The following UPF2 variants were observed in gnomAD, a reference collection of about 807,000 sequenced individuals.
The protein encoded by UPF2 is regulator of nonsense transcripts 2.
A neutral mutation model predicts 141.4 loss-of-function variants in UPF2; 17 were observed. The ratio of observed to expected loss-of-function variants is 0.12; its 90% CI spans 0.08 to 0.18. The LOEUF is 0.18. Ranked by LOEUF, UPF2 falls within the 10% of genes least tolerant of loss-of-function variation. The pLI, the probability that UPF2 is intolerant of heterozygous loss-of-function variation, is 1.00. For synonymous variants in UPF2, 540 were observed against 498.0 expected, an observed-to-expected ratio of 1.08 and a Z score of -1.12; for missense variants, 1,152 against 1,515.9, an observed-to-expected ratio of 0.76 and a Z score of 3.99.
At chr10:12,006,045 A>G (rs1834030142) in intron 4 of UPF2, among the ~76,000 whole-genome samples, 1 of 145,724 alleles carries the variant, frequency 6.9e-6, no homozygotes. Flanking sequence ...AAGCCCAGCT[A>G]ATTTTTCCAT....
chr10:11,959,210 T>C lies in UPF2; in HGVS notation c.2331A>G (p.Lys777=), dbSNP rs1285544791. ...KRPPLQEYVR[K]LLYKDLSKVT... ...CCTTAGAGAGATCCTTGTACAAAAG[T>C]TTCCGGACATATTCCTGGAGAGGAG... is the stretch of plus-strand genomic sequence containing the variant. The change falls in exon 12 of 22, where the codon AAA becomes AAG. Residue 777 remains lysine (K), a synonymous_variant. Transcript: ENST00000357604. This position sits in a 1 kb window ranked among gnomAD's most constrained non-coding sequence, Gnocchi z 5.9. 2.5e-6 allele frequency: 4 copies of C among 1,610,592 alleles called. No homozygotes were observed. The highest frequency in any genetic ancestry group is 3.4e-6 in the Non-Finnish European group (4 of 1,178,970).
At chr10:11,973,180 T>C (rs1833449502) in intron 9 of UPF2, among the ~76,000 whole-genome samples, 1 of 152,242 alleles carries the variant, frequency 6.6e-6, no homozygotes, top group African/African-American at 2.4e-5. Flanking sequence ...CATAAATGTC[T>C]TCTTTTGAGA....
chr10:11,971,597 C>T (rs1433563127), intron 9 of UPF2, among the ~76,000 whole-genome samples: 1 of 152,000 alleles, frequency 6.6e-6, no homozygotes, highest in East Asian at 1.9e-4. Flanking sequence ...TATGTCAAAA[C>T]ACTTCTGGAT....
intron 8 of UPF2, among the ~76,000 whole-genome samples, chr10:11,982,406 C>T (rs1203889619): frequency 6.6e-6 from 1 of 152,154 alleles, no homozygotes; most frequent in African/African-American, 2.4e-5. Flanking sequence ...TTCTCCCATA[C>T]CTCCCAGCTT....
intron 12 of UPF2, among the ~76,000 whole-genome samples, chr10:11,957,503 T>G (rs1833171692): frequency 6.6e-6 from 1 of 151,906 alleles, no homozygotes; most frequent in Non-Finnish European, 1.5e-5. Flanking sequence ...TTGACATAAA[T>G]AATCTCACTT....
At chr10:11,925,080 A>G (rs931114730) in intron 21 of UPF2, among the ~76,000 whole-genome samples, 7 of 152,286 alleles carry the variant, frequency 4.6e-5, no homozygotes, top group Admixed American at 2.6e-4. Flanking sequence ...CGGCCCCCCA[A>G]AGTGCTGGGA....
chr10:11,948,441 T>C lies in UPF2; in HGVS notation c.3102A>G (p.Glu1034=), dbSNP rs1833031982. Residue 1034 remains glutamate (E), a synonymous_variant, in exon 16 of 22, where the codon GAA becomes GAG. Coordinates refer to ENST00000357604, the MANE Select transcript of UPF2 (RefSeq NM_015542.4). ...CTGTTTCAGCCCCACCTTCTTCTTC[T>C]TCTTCATCCTCTTCAAGATTTTCTC... is the stretch of plus-strand genomic sequence containing the variant. ...TEGENLEEDE[E]EEEGGAETEE... is the part of the protein sequence containing the mutation. The C allele has an allele frequency of 6.2e-7, 1 of 1,613,342 alleles. No homozygotes were observed. Among genetic ancestry groups the C allele is most frequent in the East Asian group, 2.2e-5 (1 of 44,838 alleles).
chr10:12,030,999 C>A (rs1834511210), intron 2 of UPF2, among the ~76,000 whole-genome samples: 2 of 151,276 alleles, frequency 1.3e-5, no homozygotes, highest in Admixed American at 6.6e-5. Context: ...ACAGTGAAAC[C>A]CCGTCTCTAC....
chr10:12,031,746 A>G lies in UPF2; in HGVS notation c.366-2222T>C, dbSNP rs569736745. Among the ~76,000 whole-genome samples, 5 of 152,204 alleles carry G rather than the reference A, an allele frequency of 3.3e-5. No individual in the cohort carries two copies. In the South Asian group the frequency reaches 1.0e-3, roughly 31 times the overall value. On this transcript the variant is annotated intron_variant, in intron 2 of 21. Transcript: ENST00000357604. ...AGTCATGATCACACCATAGCTCTCC[A>G]GCCTGGGTGACAGAGTGAGCCCTGT...
At chr10:11,991,873 C>T (rs928002334) in intron 8 of UPF2, among the ~76,000 whole-genome samples, 4 of 152,208 alleles carry the variant, frequency 2.6e-5, no homozygotes, top group Admixed American at 6.5e-5. Flanking sequence ...AGGCCAGGCG[C>T]AGTGGCTCAC....
intron 1 of UPF2, among the ~76,000 whole-genome samples, chr10:12,039,000 T>C (rs1001924451): frequency 3.9e-5 from 6 of 152,086 alleles, no homozygotes; most frequent in African/African-American, 1.2e-4. Context: ...TAGTTATTGA[T>C]TCTTATACAT....
chr10:11,936,809 AAC>A lies in UPF2; in HGVS notation c.3379-99_3379-98del. ...ACTCATTCAATGCTGTATTTCTTAA[AAC>A]ACAACAATCATAAGAGCCATAACAG... On this transcript the variant is annotated intron_variant, in intron 18 of 21. Coordinates refer to ENST00000357604, the MANE Select transcript of UPF2 (RefSeq NM_015542.4). This position sits in a 1 kb window ranked among gnomAD's most constrained non-coding sequence, Gnocchi z 6.6. 8.4e-7 allele frequency: 1 copy of A among 1,184,384 alleles called. No individual in the cohort carries two copies. 73.4% of individuals were successfully genotyped at this position (1,184,384 alleles called of 1,614,324 possible).
intron 12 of UPF2, among the ~76,000 whole-genome samples, chr10:11,958,029 T>C (rs1326270498): frequency 6.6e-6 from 1 of 151,980 alleles, no homozygotes; most frequent in African/African-American, 2.4e-5. Flanking sequence ...ATATGTGAAG[T>C]ACATAGGAAA....
chr10:11,961,490 G>A (rs945931461), intron 11 of UPF2, among the ~76,000 whole-genome samples: 2 of 151,962 alleles, frequency 1.3e-5, no homozygotes, highest in African/African-American at 2.4e-5. Flanking sequence ...GTTCCTAGTA[G>A]GGAGCAGCAG....
intron 16 of UPF2, among the ~76,000 whole-genome samples, chr10:11,947,818 G>C (rs112687389): frequency 8.7e-5 from 13 of 148,602 alleles, no homozygotes; most frequent in African/African-American, 3.0e-4. Flanking sequence ...AAGACATGTG[G>C]AGATCAATTT....
intron 8 of UPF2, among the ~76,000 whole-genome samples, chr10:11,984,899 G>C (rs906459083): frequency 6.6e-6 from 1 of 152,132 alleles, no homozygotes; most frequent in African/African-American, 2.4e-5. Flanking sequence ...TTTTAGTAGA[G>C]ACAGGGTTTC....
At chr10:12,021,646 G>A (rs1205695271) in intron 3 of UPF2, among the ~76,000 whole-genome samples, 1 of 152,152 alleles carries the variant, frequency 6.6e-6, no homozygotes, top group Admixed American at 6.6e-5. Flanking sequence ...TTAATCATTA[G>A]CCAAATTAAA....
intron 1 of UPF2, among the ~76,000 whole-genome samples, chr10:12,037,236 C>T (rs1834646121): frequency 6.6e-6 from 1 of 152,090 alleles, no homozygotes; most frequent in African/African-American, 2.4e-5. Context: ...AGGTGCTCAA[C>T]ACCACATCCA....
intron 5 of UPF2, 78 bp from the exon 6 acceptor site, chr10:12,001,903 C>G: frequency 1.4e-5 from 19 of 1,329,576 alleles, no homozygotes; most frequent in Non-Finnish European, 1.9e-5. Flanking sequence ...TTAAGACTCA[C>G]AAAATCTGCA....
Sources: allele counts gnomAD v4.1 joint callset (sites outside exome capture counted in the v4.1 genomes callset), GRCh38; gene constraint gnomAD v4.1.1; non-coding constraint Gnocchi (gnomAD v3.1); transcripts MANE v1.5; gene names NCBI Gene and HGNC (gene_info 2026-07-23, HGNC 2026-07-21).